MACROD2: variants seen among roughly 807,000 people sequenced by gnomAD.
MACROD2 encodes ADP-ribose glycohydrolase MACROD2.
In MACROD2, 36 loss-of-function variants were observed where a neutral mutation model predicts 70.4. The ratio of observed to expected loss-of-function variants is 0.51; its 90% CI spans 0.39 to 0.68. The LOEUF is 0.68. Ranked by LOEUF, MACROD2 falls within the 30% of genes least tolerant of loss-of-function variation. The pLI, the probability that MACROD2 is intolerant of heterozygous loss-of-function variation, is 0.00. For synonymous variants in MACROD2, 172 were observed against 178.8 expected (o/e 0.96, Z 0.30); for missense variants, 496 against 538.4 (o/e 0.92, Z 0.78).
intron 8 of MACROD2, among the ~76,000 whole-genome samples, chr20:15,610,510 C>G (rs928352956): frequency 6.6e-6 from 1 of 152,116 alleles, no homozygotes; most frequent in Non-Finnish European, 1.5e-5. Flanking sequence ...TTCTCCTTTT[C>G]TTTCTCTTAC....
At chr20:15,682,224 C>T (rs985305181) in intron 8 of MACROD2, among the ~76,000 whole-genome samples, 3 of 152,040 alleles carry the variant, frequency 2.0e-5, no homozygotes, top group Non-Finnish European at 2.9e-5. Flanking sequence ...TAAAGAGAAA[C>T]GTAAAAGTAG....
intron 5 of MACROD2, among the ~76,000 whole-genome samples, chr20:14,783,492 C>T (rs1476389855): frequency 6.6e-6 from 1 of 152,086 alleles, no homozygotes. Flanking sequence ...TACACTAACA[C>T]GTGGTTTTAA....
At chr20:15,353,250 C>A (rs1325621630) in intron 6 of MACROD2, among the ~76,000 whole-genome samples, 1 of 150,420 alleles carries the variant, frequency 6.6e-6, no homozygotes, top group East Asian at 2.0e-4. Flanking sequence ...CAAGAAATGG[C>A]GAAAGGATTC....
At chr20:15,023,446 G>T (rs2075205281) in intron 5 of MACROD2, among the ~76,000 whole-genome samples, 1 of 152,086 alleles carries the variant, frequency 6.6e-6, no homozygotes, top group Admixed American at 6.6e-5. Flanking sequence ...TCACATAGAA[G>T]CAGCACGGGC....
At chr20:15,531,202 A>G (rs927547459) in intron 8 of MACROD2, among the ~76,000 whole-genome samples, 1 of 151,892 alleles carries the variant, frequency 6.6e-6, no homozygotes, top group East Asian at 1.9e-4. Flanking sequence ...TTTTGAATGA[A>G]AAGGCTAGAA....
chr20:14,852,165 G>A (rs981672315), intron 5 of MACROD2, among the ~76,000 whole-genome samples: 17 of 152,138 alleles, frequency 1.1e-4, no homozygotes, highest in Non-Finnish European at 1.8e-4. Flanking sequence ...GCAGGAGCCA[G>A]CTAAGGAGAC....
At chr20:15,533,523 C>T (rs1600547542) in intron 8 of MACROD2, among the ~76,000 whole-genome samples, 2 of 150,550 alleles carry the variant, frequency 1.3e-5, no homozygotes, top group Middle Eastern at 6.8e-3. Flanking sequence ...ATCTATCCAA[C>T]TTTCTGTCTC....
chr20:15,179,598 G>A (rs1568619947), intron 5 of MACROD2, among the ~76,000 whole-genome samples: 1 of 152,146 alleles, frequency 6.6e-6, no homozygotes, highest in East Asian at 1.9e-4. Context: ...ATAAAGGAAA[G>A]TGGCCCTTCT....
intron 5 of MACROD2, among the ~76,000 whole-genome samples, chr20:14,713,151 A>G (rs1191323050): frequency 6.6e-6 from 1 of 152,146 alleles, no homozygotes; most frequent in African/African-American, 2.4e-5. Context: ...GTGCATGGGT[A>G]CATGTGCCTT....
intron 8 of MACROD2, among the ~76,000 whole-genome samples, chr20:15,745,881 C>T (rs971654022): frequency 6.6e-6 from 1 of 152,052 alleles, no homozygotes; most frequent in South Asian, 2.1e-4. Context: ...TAGTTTCTGT[C>T]CACTTGTATG....
rs939906880 is a variant in MACROD2 at position 14,459,818 on chromosome 20, T to C, written c.272-33661T>C. 3.3e-5 allele frequency among the ~76,000 whole-genome samples: 5 copies of C among 152,238 alleles called. No individual in the cohort carries two copies. In the South Asian group the frequency reaches 8.3e-4, roughly 25 times the overall value. Reference sequence around the variant, plus strand: ...GTATCCACATGCCATGGTGGTCTGCTGCACCCATCAACCCGTCATCTACAT... The same window carrying C: ...GTATCCACATGCCATGGTGGTCTGCCGCACCCATCAACCCGTCATCTACAT... On this transcript the variant is annotated intron_variant, in intron 3 of 17. Coordinates refer to ENST00000684519, the MANE Select transcript of MACROD2 (RefSeq NM_001351661.2).
intron 6 of MACROD2, among the ~76,000 whole-genome samples, chr20:15,346,277 G>A (rs2078165276): frequency 6.6e-6 from 1 of 152,050 alleles, no homozygotes; most frequent in Non-Finnish European, 1.5e-5. Flanking sequence ...TGGGTTTTGG[G>A]AGCAGAATTC....
chr20:15,663,090 C>T (rs1360893250), intron 8 of MACROD2, among the ~76,000 whole-genome samples: 2 of 152,032 alleles, frequency 1.3e-5, no homozygotes, highest in Non-Finnish European at 2.9e-5. Context: ...GACAAACCAG[C>T]CAAACTGGTG....
intron 16 of MACROD2, 26 bp from the exon 17 acceptor site, chr20:16,044,545 A>C (rs370532736): frequency 6.5e-7 from 1 of 1,534,140 alleles, no homozygotes; most frequent in East Asian, 2.3e-5. Context: ...ATGAATATTT[A>C]ACTTTTTTTT....
At chr20:15,210,774 C>T (rs1184881524) in intron 5 of MACROD2, among the ~76,000 whole-genome samples, 4 of 152,132 alleles carry the variant, frequency 2.6e-5, no homozygotes, top group African/African-American at 7.2e-5. Flanking sequence ...TACTCTCTCT[C>T]TTTTCTCCTG....
At chr20:15,144,208 G>A (rs1321483222) in intron 5 of MACROD2, among the ~76,000 whole-genome samples, 4 of 151,810 alleles carry the variant, frequency 2.6e-5, no homozygotes, top group East Asian at 3.9e-4. Context: ...CTCCTCCCTC[G>A]ACCTCCCAAA....
At chr20:15,979,499 C>A (rs6043648) in intron 13 of MACROD2, among the ~76,000 whole-genome samples, 70,768 of 151,776 alleles carry the variant, frequency 0.47, 16,673 homozygotes, top group Middle Eastern at 0.5. Flanking sequence ...TCTTTTAGGA[C>A]GAAGTAGAGA....
At chr20:14,268,146 T>C (rs1363949608) in intron 3 of MACROD2, among the ~76,000 whole-genome samples, 10 of 152,146 alleles carry the variant, frequency 6.6e-5, no homozygotes, top group Admixed American at 4.6e-4. Context: ...TTCCCTTTTT[T>C]AGTTGTGGTT....
intron 5 of MACROD2, among the ~76,000 whole-genome samples, chr20:15,108,253 A>G (rs1335631290): frequency 6.6e-6 from 1 of 152,170 alleles, no homozygotes; most frequent in Non-Finnish European, 1.5e-5. Flanking sequence ...AGCCTGGCTC[A>G]TACTAAGCAA....
Sources: allele counts gnomAD v4.1 joint callset (sites outside exome capture counted in the v4.1 genomes callset), GRCh38; gene constraint gnomAD v4.1.1; transcripts MANE v1.5; gene names NCBI Gene and HGNC (gene_info 2026-07-23, HGNC 2026-07-21).